Variants in COL26A1 observed in about 807,000 individuals in gnomAD.
The protein encoded by COL26A1 is collagen alpha-1(XXVI) chain.
In COL26A1, 41 loss-of-function variants were observed where a neutral mutation model predicts 59.3. That is an observed-to-expected ratio of 0.69 (90% CI 0.54 to 0.90). The LOEUF is 0.90. Ranked by LOEUF, COL26A1 falls within the 40% of genes least tolerant of loss-of-function variation. The pLI is 0.00. For missense variants in COL26A1, 612 were observed against 602.3 expected (o/e 1.02, Z -0.17); for synonymous variants, 266 against 256.0 (o/e 1.04, Z -0.37).
At chr7:101,504,413 C>T (rs1047266821) in intron 3 of COL26A1, among the ~76,000 whole-genome samples, 1 of 152,082 alleles carries the variant, frequency 6.6e-6, no homozygotes, top group African/African-American at 2.4e-5. Context: ...CTGGCACCAC[C>T]TCTTTGCCCC....
chr7:101,392,338 CTGT>C (rs1258902896), intron 1 of COL26A1, among the ~76,000 whole-genome samples: 1 of 150,368 alleles, frequency 6.7e-6, no homozygotes, highest in Non-Finnish European at 1.5e-5. Flanking sequence ...CTTTTTCCAT[CTGT>C]TGTTATGAGC....
intron 1 of COL26A1, among the ~76,000 whole-genome samples, chr7:101,411,072 C>G (rs1792231242): frequency 6.6e-6 from 1 of 152,144 alleles, no homozygotes; most frequent in South Asian, 2.1e-4. Context: ...AAGCTGGACA[C>G]CCCCAACCTT....
In COL26A1 at chr7:101,382,766, C is replaced by A. The variant is rs182610877; in HGVS notation, c.158+19576C>A. Among the ~76,000 whole-genome samples, 244 of 152,196 alleles carry A rather than the reference C, an allele frequency of 1.6e-3. 3 individuals are homozygous for A. The highest frequency in any genetic ancestry group is 3.5e-4 in the Non-Finnish European group (24 of 68,018). ...GAGTCATAGGATTACAGGTTTATGGCCAAGCTTGGTGGCTCACACCTGTAA... is the reference window on the plus strand; with the variant it reads ...GAGTCATAGGATTACAGGTTTATGGACAAGCTTGGTGGCTCACACCTGTAA... On this transcript the variant is annotated intron_variant, in intron 1 of 12. Coordinates refer to ENST00000313669, the MANE Select transcript of COL26A1 (RefSeq NM_001278563.3).
chr7:101,465,047 T>C (rs1190576284), intron 3 of COL26A1, among the ~76,000 whole-genome samples: 3 of 150,844 alleles, frequency 2.0e-5, no homozygotes, highest in African/African-American at 7.3e-5. Context: ...TTTTTTTTTT[T>C]TTTTTGTTGG....
intron 3 of COL26A1, among the ~76,000 whole-genome samples, chr7:101,491,894 A>G (rs1794469169): frequency 6.6e-6 from 1 of 152,158 alleles, no homozygotes; most frequent in African/African-American, 2.4e-5. Flanking sequence ...CATTTTGCCT[A>G]GCTCCTATTT....
chr7:101,475,672 A>G (rs1415329308), intron 3 of COL26A1, among the ~76,000 whole-genome samples: 1 of 151,778 alleles, frequency 6.6e-6, no homozygotes, highest in Non-Finnish European at 1.5e-5. Flanking sequence ...TGTGATGTGC[A>G]TGTGTGCCTA....
intron 5 of COL26A1, among the ~76,000 whole-genome samples, chr7:101,541,913 A>T (rs1795625731): frequency 1.3e-5 from 2 of 152,142 alleles, no homozygotes; most frequent in Non-Finnish European, 2.9e-5. Flanking sequence ...CAGGATCTGC[A>T]CTGTGCCAGT....
intron 3 of COL26A1, among the ~76,000 whole-genome samples, chr7:101,455,822 G>A (rs1219580631): frequency 6.6e-6 from 1 of 151,802 alleles, no homozygotes; most frequent in East Asian, 1.9e-4. Flanking sequence ...AGCTGGGACT[G>A]CAGGTGCACG....
intron 1 of COL26A1, among the ~76,000 whole-genome samples, chr7:101,375,790 A>G (rs1012024902): frequency 2.0e-5 from 3 of 150,732 alleles, no homozygotes; most frequent in Non-Finnish European, 4.4e-5. Flanking sequence ...GATCCAGACC[A>G]TCCTGGCTAA....
At chr7:101,429,046 C>G (rs1359202462) in intron 2 of COL26A1, among the ~76,000 whole-genome samples, 1 of 151,532 alleles carries the variant, frequency 6.6e-6, no homozygotes, top group Non-Finnish European at 1.5e-5. Context: ...GCCTCAGCTT[C>G]CTGAGTAGCT....
chr7:101,510,534 C>A (rs1794900148), intron 3 of COL26A1, among the ~76,000 whole-genome samples: 1 of 152,198 alleles, frequency 6.6e-6, no homozygotes, highest in Admixed American at 6.5e-5. Context: ...CCTTCTGACA[C>A]AGCTGCAGAG....
At chr7:101,463,799 C>CTTCCTTTCTT (rs1562993326) in intron 3 of COL26A1, among the ~76,000 whole-genome samples, 25 of 104,972 alleles carry the variant, frequency 2.4e-4, no homozygotes, top group African/African-American at 7.7e-4. Flanking sequence ...CTTTCTTTCT[C>CTTCCTTTCTT]TCTCTCTTTC....
chr7:101,475,914 CTCTCTT>C (rs1563000278), intron 3 of COL26A1, among the ~76,000 whole-genome samples: 24 of 147,934 alleles, frequency 1.6e-4, no homozygotes, highest in African/African-American at 4.1e-4. Context: ...TTCTCTCTCT[CTCTCTT>C]TCTTTCTCTC....
intron 3 of COL26A1, among the ~76,000 whole-genome samples, chr7:101,480,905 A>G (rs1042076678): frequency 6.6e-6 from 1 of 152,172 alleles, no homozygotes; most frequent in African/African-American, 2.4e-5. Flanking sequence ...TTTTTCAATG[A>G]GAAAACAAGC....
chr7:101,387,772 A>AT lies in COL26A1; in HGVS notation c.158+24583dup, dbSNP rs1374717696. 1.7e-3 allele frequency among the ~76,000 whole-genome samples: 71 copies of AT among 42,516 alleles called. 2 individuals carry two copies. The highest frequency in any genetic ancestry group is 4.7e-3 in the African/African-American group (64 of 13,708). The allele number at this position is 42,516 out of a possible 152,430, so 27.9% of individuals were successfully genotyped here. On this transcript the variant is annotated intron_variant, in intron 1 of 12. Coordinates refer to ENST00000313669, the MANE Select transcript of COL26A1 (RefSeq NM_001278563.3). ...TATATATTTATATATATATATATATATATATATTTTTTTTTAAGACAGAGT... is the reference window on the plus strand; with the variant it reads ...TATATATTTATATATATATATATATATTATATATTTTTTTTTAAGACAGAGT...
At chr7:101,426,357 T>G (rs1192547989) in intron 2 of COL26A1, among the ~76,000 whole-genome samples, 1 of 152,016 alleles carries the variant, frequency 6.6e-6, no homozygotes, top group Non-Finnish European at 1.5e-5. Context: ...CGGGGGAATA[T>G]TCACCTCACA....
At chr7:101,403,719 C>T (rs1044180505) in intron 1 of COL26A1, among the ~76,000 whole-genome samples, 1 of 152,034 alleles carries the variant, frequency 6.6e-6, no homozygotes, top group African/African-American at 2.4e-5. Flanking sequence ...TTCTGTTGGC[C>T]CACATTTTAA....
Position 101,501,059 on chromosome 7 carries a change from G to A in COL26A1, c.386-32023G>A, listed in dbSNP as rs910214847. 4.0e-5 allele frequency among the ~76,000 whole-genome samples: 6 copies of A among 149,838 alleles called. No homozygotes were observed. The East Asian group carries it at 8.0e-4, about 20-fold the overall frequency. On this transcript the variant is annotated intron_variant, in intron 3 of 12. Transcript: ENST00000313669. ...AGTTTAGCCGGGCATGGTGGTAGGCGCCTGTAATCCCAGCTACTAGGGAGG... is the reference window on the plus strand; with the variant it reads ...AGTTTAGCCGGGCATGGTGGTAGGCACCTGTAATCCCAGCTACTAGGGAGG...
intron 1 of COL26A1, among the ~76,000 whole-genome samples, chr7:101,385,971 A>C (rs1791564678): frequency 6.6e-6 from 1 of 152,116 alleles, no homozygotes; most frequent in African/African-American, 2.4e-5. Context: ...TCGGCCTCCC[A>C]AAGTGTTGGG....
Sources: gnomAD v4.1 joint callset for allele counts (sites outside exome capture counted in the v4.1 genomes callset) on GRCh38, gnomAD v4.1.1 for gene constraint, MANE v1.5 for transcripts, NCBI Gene and HGNC (gene_info 2026-07-23, HGNC 2026-07-21) for gene names.